The following KCND3 variants were observed in gnomAD, a reference collection of about 807,000 sequenced individuals.
KCND3 encodes A-type voltage-gated potassium channel KCND3.
A neutral mutation model predicts 51.1 loss-of-function variants in KCND3; 9 were observed. The ratio of observed to expected loss-of-function variants is 0.18; its 90% CI spans 0.11 to 0.31. The LOEUF is 0.31. KCND3 is among the 10% of genes least tolerant of loss of function. The pLI is 1.00. For missense variants in KCND3, 526 were observed against 903.8 expected (o/e 0.58, Z 5.36); for synonymous variants, 349 against 368.0 (o/e 0.95, Z 0.59).
rs190745186 is a variant in KCND3 at position 111,805,377 on chromosome 1, G to C, written c.1107-18271C>G. ...AACCTGGATGCCACAACCTGGGTGGGCACCTGGGCCAGCCTTGTCCCCTCA... is the reference window on the plus strand; with the variant it reads ...AACCTGGATGCCACAACCTGGGTGGCCACCTGGGCCAGCCTTGTCCCCTCA... On this transcript the variant is annotated intron_variant, in intron 2 of 7. Transcript: ENST00000302127. Among the ~76,000 whole-genome samples the C allele has an allele frequency of 1.9e-4, 29 of 152,212 alleles. No individual in the cohort carries two copies. The East Asian group carries it at 5.6e-3, about 29-fold the overall frequency.
intron 6 of KCND3, among the ~76,000 whole-genome samples, chr1:111,777,694 G>T (rs913186605): frequency 1.3e-5 from 2 of 152,202 alleles, no homozygotes; most frequent in Admixed American, 1.3e-4. Flanking sequence ...ATGCTAGGTT[G>T]TCTTTCCTGG....
At chr1:111,814,021 C>T (rs61200031) in intron 2 of KCND3, among the ~76,000 whole-genome samples, 1,994 of 152,318 alleles carry the variant, frequency 0.013, 45 homozygotes, top group African/African-American at 0.046. Context: ...GCATCAGTCA[C>T]TGATCAAATG....
chr1:111,794,486 T>C (rs902780752), intron 2 of KCND3, among the ~76,000 whole-genome samples: 1 of 152,230 alleles, frequency 6.6e-6, no homozygotes, highest in African/African-American at 2.4e-5. Flanking sequence ...GCAAGGATGA[T>C]GTCTCAGCCT....
chr1:111,802,387 C>A (rs471238), intron 2 of KCND3, among the ~76,000 whole-genome samples: 3 of 152,122 alleles, frequency 2.0e-5, no homozygotes, highest in Non-Finnish European at 4.4e-5. Context: ...CTGGCAGGCC[C>A]TAAGCTGGGT....
intron 2 of KCND3, among the ~76,000 whole-genome samples, chr1:111,896,032 G>A (rs946100906): frequency 1.3e-5 from 2 of 152,256 alleles, no homozygotes; most frequent in African/African-American, 2.4e-5. Context: ...ATGACTGCCA[G>A]GATGCGAGAG....
At chr1:111,866,484 T>C (rs191072300) in intron 2 of KCND3, among the ~76,000 whole-genome samples, 4 of 152,016 alleles carry the variant, frequency 2.6e-5, no homozygotes, top group Middle Eastern at 3.4e-3. Flanking sequence ...ATGCTGGTCT[T>C]GAATCCCTGA....
At chr1:111,898,968 A>T (rs1218902524) in intron 2 of KCND3, among the ~76,000 whole-genome samples, 1 of 152,152 alleles carries the variant, frequency 6.6e-6, no homozygotes, top group Non-Finnish European at 1.5e-5. Flanking sequence ...ATCATCAATT[A>T]TAGTGGCTGT....
intron 2 of KCND3, among the ~76,000 whole-genome samples, chr1:111,922,537 T>G (rs372330198): frequency 9.2e-5 from 14 of 152,274 alleles, no homozygotes; most frequent in Admixed American, 3.9e-4. Flanking sequence ...ATACTAGCTG[T>G]GTGACTTCAG....
intron 2 of KCND3, among the ~76,000 whole-genome samples, chr1:111,972,789 A>G (rs1674413212): frequency 6.6e-6 from 1 of 152,182 alleles, no homozygotes; most frequent in African/African-American, 2.4e-5. Context: ...TTATTTCTCT[A>G]TCCCCCAAAA....
intron 2 of KCND3, chr1:111,909,328 A>C (rs563814617): frequency 7.9e-5 from 12 of 152,300 alleles, no homozygotes; most frequent in African/African-American, 2.9e-4. Flanking sequence ...GCCAGAGCTG[A>C]GCGGAATAAA....
chr1:111,779,839 CAG>C (rs1664294586), intron 5 of KCND3, among the ~76,000 whole-genome samples: 1 of 152,238 alleles, frequency 6.6e-6, no homozygotes, highest in Non-Finnish European at 1.5e-5. Context: ...AGAGGTGGGA[CAG>C]AAATCAACAC....
At position 111,778,416 on chromosome 1, in the gene KCND3, G is replaced by A. The variant is rs1273287454; in HGVS notation, c.1518+20C>T. On this transcript the variant is annotated intron_variant, in intron 6 of 7. Transcript: ENST00000302127. ...ATTATCAGAGAGAAAAACATCAATT[G>A]AATTTTTAAAAAGTTATACCTTGAT... is the stretch of plus-strand genomic sequence containing the variant. 1 of 1,608,578 alleles carries A rather than the reference G, an allele frequency of 6.2e-7. No homozygotes were observed. Among genetic ancestry groups the A allele is most frequent in the Middle Eastern group, 1.7e-4 (1 of 6,046 alleles).
At chr1:111,836,473 T>C (rs1667070009) in intron 2 of KCND3, among the ~76,000 whole-genome samples, 1 of 152,240 alleles carries the variant, frequency 6.6e-6, no homozygotes, top group Non-Finnish European at 1.5e-5. Flanking sequence ...GGATGGGTTA[T>C]GATTCTCAGT....
intron 2 of KCND3, among the ~76,000 whole-genome samples, chr1:111,822,437 C>T (rs1666394062): frequency 6.6e-6 from 1 of 152,122 alleles, no homozygotes; most frequent in African/African-American, 2.4e-5. Flanking sequence ...ACTCTAAATA[C>T]TTCATATAAG....
chr1:111,826,680 T>C (rs1571700280), intron 2 of KCND3, among the ~76,000 whole-genome samples: 1 of 152,108 alleles, frequency 6.6e-6, no homozygotes, highest in Non-Finnish European at 1.5e-5. Context: ...GGCTGAAGAG[T>C]TCATTCAGGG....
At chr1:111,949,708 A>G (rs1480111738) in intron 2 of KCND3, among the ~76,000 whole-genome samples, 3 of 150,916 alleles carry the variant, frequency 2.0e-5, no homozygotes, top group Non-Finnish European at 4.4e-5. Context: ...ACAGGCTCCT[A>G]TCTTTGTACC....
chr1:111,969,600 G>A (rs1008762671), intron 2 of KCND3, among the ~76,000 whole-genome samples: 17 of 152,162 alleles, frequency 1.1e-4, no homozygotes, highest in African/African-American at 2.9e-4. Flanking sequence ...AGCAAAATAC[G>A]TAAAAATAAT....
At chr1:111,955,811 A>G (rs1673306684) in intron 2 of KCND3, among the ~76,000 whole-genome samples, 1 of 152,238 alleles carries the variant, frequency 6.6e-6, no homozygotes, top group Non-Finnish European at 1.5e-5. Flanking sequence ...GCACTGTGCT[A>G]GGCACGAAGT....
At chr1:111,866,181 A>G (rs1265120130) in intron 2 of KCND3, among the ~76,000 whole-genome samples, 1 of 150,638 alleles carries the variant, frequency 6.6e-6, no homozygotes, top group Non-Finnish European at 1.5e-5. Context: ...TTATTTTTCT[A>G]GGTTTGTTTC....
Sources: allele counts gnomAD v4.1 joint callset (sites outside exome capture counted in the v4.1 genomes callset), GRCh38; gene constraint gnomAD v4.1.1; transcripts MANE v1.5; gene names NCBI Gene and HGNC (gene_info 2026-07-23, HGNC 2026-07-21).